Variants in GNAL observed in about 807,000 individuals in gnomAD.
GNAL encodes G protein subunit alpha L, also known as guanine nucleotide-binding protein G(olf) subunit alpha.
In GNAL, 18 loss-of-function variants were observed where a neutral mutation model predicts 55.1. That is an observed-to-expected ratio of 0.33 (90% CI 0.23 to 0.48). GNAL has a LOEUF of 0.48. Ranked by LOEUF, GNAL falls within the 20% of genes least tolerant of loss-of-function variation. The probability of loss-of-function intolerance (pLI) is 0.99; values close to 1 mark genes in which losing one functional copy is unlikely to be tolerated. For synonymous variants in GNAL, 253 were observed against 237.0 expected, an observed-to-expected ratio of 1.07 and a Z score of -0.62; for missense variants, 412 against 614.1, an observed-to-expected ratio of 0.67 and a Z score of 3.48.
intron 5 of GNAL, among the ~76,000 whole-genome samples, chr18:11,856,815 C>T (rs1317170817): frequency 2.6e-5 from 4 of 152,176 alleles, no homozygotes; most frequent in African/African-American, 7.2e-5. Context: ...CCTGTAATCC[C>T]AGCTACTTCG....
At position 11,884,493 on chromosome 18, in the gene GNAL, T is replaced by C. The variant is rs760724495; in HGVS notation, c.*3358T>C. The C allele has an allele frequency of 6.2e-7, 1 of 1,614,066 alleles. No homozygotes were observed. The highest frequency in any genetic ancestry group is 1.7e-5 in the Admixed American group (1 of 60,010). On this transcript the variant is annotated 3_prime_UTR_variant, in exon 12 of 12. Coordinates refer to ENST00000334049, the MANE Select transcript of GNAL (RefSeq NM_182978.4). ...GCAAGTTCAAACCAGAAAGAAAAGGTGAGGCTAGAAGCCCAAAGTGAGTGA... is the reference window on the plus strand; with the variant it reads ...GCAAGTTCAAACCAGAAAGAAAAGGCGAGGCTAGAAGCCCAAAGTGAGTGA...
chr18:11,705,930 A>G (rs1007011425), intron 1 of GNAL, among the ~76,000 whole-genome samples: 3 of 151,416 alleles, frequency 2.0e-5, no homozygotes. Flanking sequence ...AAAATTTTGT[A>G]TTTTAGTAGA....
intron 4 of GNAL, among the ~76,000 whole-genome samples, chr18:11,804,159 C>T (rs1255098162): frequency 6.9e-6 from 1 of 145,714 alleles, no homozygotes; most frequent in Non-Finnish European, 1.5e-5. Flanking sequence ...TTGGATGGAA[C>T]ACGGAGATAC....
intron 1 of GNAL, among the ~76,000 whole-genome samples, chr18:11,747,902 G>A (rs893617868): frequency 2.4e-4 from 36 of 152,072 alleles, no homozygotes; most frequent in African/African-American, 7.2e-4. Flanking sequence ...CTGGGTCCCC[G>A]CAGGTGGGTG....
intron 1 of GNAL, among the ~76,000 whole-genome samples, chr18:11,730,118 C>A (rs1421454608): frequency 6.6e-6 from 1 of 151,056 alleles, no homozygotes; most frequent in Non-Finnish European, 1.5e-5. Context: ...ACTGCAAGCT[C>A]TGCCTCCCAG....
chr18:11,734,640 T>C (rs1390599646), intron 1 of GNAL, among the ~76,000 whole-genome samples: 1 of 150,606 alleles, frequency 6.6e-6, no homozygotes, highest in Non-Finnish European at 1.5e-5. Flanking sequence ...ACTCTAAAGA[T>C]CTCATGGCAT....
rs1297999445 is a variant in GNAL, at chr18:11,751,784, C to G, written c.377-1069C>G. On this transcript the variant is annotated intron_variant, in intron 1 of 11. Transcript: ENST00000334049. This position sits in a 1 kb window ranked among gnomAD's most constrained non-coding sequence, Gnocchi z 4.5. The stretch of plus-strand genomic sequence containing the variant: ...CAGCGCGGTAGCGCCTCTCCGAGAG[C>G]TCCGGGACCAGCGGCCCGGCCGCCC... 2.2e-6 allele frequency: 1 copy of G among 452,476 alleles called. No homozygotes were observed. The highest frequency in any genetic ancestry group is 2.9e-6 in the Non-Finnish European group (1 of 342,522). The allele number at this position is 452,476 out of a possible 1,614,324, so 28.0% of individuals were successfully genotyped here.
At chr18:11,852,185 A>G in intron 5 of GNAL, 2 of 1,450,550 alleles carry the variant, frequency 1.4e-6, no homozygotes, top group Non-Finnish European at 1.8e-6. Context: ...GAGAGATACT[A>G]TACCCTAGAA....
chr18:11,885,392 C>CA lies in GNAL; in HGVS notation c.*4258dup. 2.4e-6 allele frequency: 1 copy of CA among 415,022 alleles called. No homozygotes were observed. Among genetic ancestry groups the CA allele is most frequent in the Non-Finnish European group, 4.3e-6 (1 of 230,080 alleles). The allele number at this position is 415,022 out of a possible 1,614,324, so 25.7% of individuals were successfully genotyped here. A position where few individuals can be genotyped will look rare whatever the true frequency, so the allele number is the denominator to read the frequency against. On this transcript the variant is annotated 3_prime_UTR_variant, in exon 12 of 12. Transcript: ENST00000334049. Reference sequence around the variant, plus strand: ...GGTTGTTTCTTTAGAAAATTAAACACACACAGAGTGTAAGAGGAGAGGATA... The same window carrying CA: ...GGTTGTTTCTTTAGAAAATTAAACACAACACAGAGTGTAAGAGGAGAGGATA...
chr18:11,699,309 C>T (rs1037047276), intron 1 of GNAL, among the ~76,000 whole-genome samples: 2 of 152,056 alleles, frequency 1.3e-5, no homozygotes, highest in Non-Finnish European at 2.9e-5. Flanking sequence ...ATTCTCTTGC[C>T]TCAGCCTCCC....
chr18:11,705,798 C>T (rs919200719), intron 1 of GNAL, among the ~76,000 whole-genome samples: 2 of 149,324 alleles, frequency 1.3e-5, no homozygotes, highest in African/African-American at 5.0e-5. Flanking sequence ...CTCTGTCACC[C>T]AGGCTGGATT....
intron 4 of GNAL, among the ~76,000 whole-genome samples, chr18:11,785,833 C>G (rs376624687): frequency 1.3e-5 from 2 of 152,134 alleles, no homozygotes; most frequent in East Asian, 1.9e-4. Flanking sequence ...TGCTCAGCCC[C>G]GTGTTGAGCT....
intron 7 of GNAL, among the ~76,000 whole-genome samples, chr18:11,866,068 A>T (rs996358441): frequency 6.7e-6 from 1 of 150,056 alleles, no homozygotes; most frequent in Admixed American, 6.6e-5. Context: ...GTCAGGCTGG[A>T]TAAAAGCCAG....
At chr18:11,772,135 A>C (rs991258524) in intron 4 of GNAL, among the ~76,000 whole-genome samples, 1 of 152,138 alleles carries the variant, frequency 6.6e-6, no homozygotes. Context: ...CTTTTTTATT[A>C]CACTTGCTCC....
chr18:11,839,168 G>A (rs1480132338), intron 5 of GNAL, among the ~76,000 whole-genome samples: 1 of 152,164 alleles, frequency 6.6e-6, no homozygotes, highest in Non-Finnish European at 1.5e-5. Context: ...TAATAAACTT[G>A]TTACATGAAT....
chr18:11,799,976 A>AT (rs554283258), intron 4 of GNAL, among the ~76,000 whole-genome samples: 1 of 150,462 alleles, frequency 6.6e-6, no homozygotes, highest in Non-Finnish European at 1.5e-5. Context: ...CCTTTTCCCT[A>AT]TTTTTTGTCA....
chr18:11,869,133 A>T (rs1013686006), intron 9 of GNAL, among the ~76,000 whole-genome samples: 2 of 143,868 alleles, frequency 1.4e-5, no homozygotes, highest in South Asian at 2.3e-4. Flanking sequence ...AATGTGGAAT[A>T]TTTTTTTTTA....
intron 9 of GNAL, among the ~76,000 whole-genome samples, chr18:11,871,060 C>A (rs1171644559): frequency 6.6e-6 from 1 of 151,934 alleles, no homozygotes; most frequent in Non-Finnish European, 1.5e-5. Flanking sequence ...TGTGTGAGGA[C>A]AGAAAAAAAC....
chr18:11,716,622 G>A (rs991311977), intron 1 of GNAL, among the ~76,000 whole-genome samples: 1 of 152,150 alleles, frequency 6.6e-6, no homozygotes, highest in Non-Finnish European at 1.5e-5. Context: ...CCCTGAGCTA[G>A]ACACAAAGGT....
Sources: allele counts gnomAD v4.1 joint callset (sites outside exome capture counted in the v4.1 genomes callset), GRCh38; gene constraint gnomAD v4.1.1; non-coding constraint Gnocchi (gnomAD v3.1); transcripts MANE v1.5; gene names NCBI Gene and HGNC (gene_info 2026-07-23, HGNC 2026-07-21).